ITGBL1: variants seen among roughly 807,000 people sequenced by gnomAD.
The protein encoded by ITGBL1 is integrin beta-like protein 1.
In ITGBL1, 51 loss-of-function variants were observed where a neutral mutation model predicts 68.5. The ratio of observed to expected loss-of-function variants is 0.74; its 90% CI spans 0.59 to 0.94. The LOEUF (loss-of-function observed/expected upper bound fraction) is 0.94. Ranked by LOEUF, ITGBL1 falls within the 40% of genes least tolerant of loss-of-function variation. The pLI is 0.00. For synonymous variants in ITGBL1, 209 were observed against 227.3 expected (o/e 0.92, Z 0.72); for missense variants, 649 against 647.4 (o/e 1.00, Z -0.03).
chr13:101,472,802 TTTTGA>T (rs2048481073), intron 2 of ITGBL1, among the ~76,000 whole-genome samples: 1 of 152,176 alleles, frequency 6.6e-6, no homozygotes, highest in African/African-American at 2.4e-5. Flanking sequence ...TTAATATACA[TTTTGA>T]TTTGATGTCC....
intron 2 of ITGBL1, among the ~76,000 whole-genome samples, chr13:101,479,571 T>G (rs117764493): frequency 0.015 from 2,343 of 151,806 alleles, 23 homozygotes; most frequent in Middle Eastern, 0.031. Flanking sequence ...TGACAAGAGA[T>G]TAATATCAAG....
chr13:101,457,684 G>A (rs565705172), intron 2 of ITGBL1, among the ~76,000 whole-genome samples: 1 of 152,170 alleles, frequency 6.6e-6, no homozygotes, highest in African/African-American at 2.4e-5. Context: ...GTGTGATGGT[G>A]TGCGCCTTGT....
At chr13:101,708,026 AACAC>A (rs3062945) in intron 9 of ITGBL1, among the ~76,000 whole-genome samples, 10,179 of 144,270 alleles carry the variant, frequency 0.071, 756 homozygotes, top group African/African-American at 0.19. Context: ...CACACATGCA[AACAC>A]ACACACACAC....
At position 101,702,950 on chromosome 13, in the gene ITGBL1, A is replaced by G. The variant is rs541478757; in HGVS notation, c.1133-3806A>G. Among the ~76,000 whole-genome samples the G allele has an allele frequency of 5.3e-5, 8 of 152,316 alleles. No homozygotes were observed. The South Asian group carries it at 1.7e-3, about 32-fold the overall frequency. On this transcript the variant is annotated intron_variant, in intron 8 of 10. Coordinates refer to ENST00000376180, the MANE Select transcript of ITGBL1 (RefSeq NM_004791.3). ...CAGTTTTCTAACTTGGCTCTACTCT[A>G]CAGTTTGATTTGTGGGTAAAAATGA...
chr13:101,534,187 A>C (rs762580142), intron 2 of ITGBL1, among the ~76,000 whole-genome samples: 1 of 152,316 alleles, frequency 6.6e-6, no homozygotes, highest in East Asian at 1.9e-4. Flanking sequence ...GGGAGTAATG[A>C]CAGCAAAAGT....
At chr13:101,458,312 G>A (rs1253886736) in intron 2 of ITGBL1, among the ~76,000 whole-genome samples, 1 of 152,186 alleles carries the variant, frequency 6.6e-6, no homozygotes, top group Non-Finnish European at 1.5e-5. Context: ...AAAGTGGACT[G>A]TTGGAATTCT....
chr13:101,514,112 C>G (rs1254646729), intron 2 of ITGBL1, among the ~76,000 whole-genome samples: 5 of 152,022 alleles, frequency 3.3e-5, no homozygotes, highest in Non-Finnish European at 7.4e-5. Context: ...TAAATGAAGA[C>G]ACATTCTAAA....
intron 2 of ITGBL1, among the ~76,000 whole-genome samples, chr13:101,557,893 A>G (rs1347120717): frequency 6.6e-6 from 1 of 152,026 alleles, no homozygotes; most frequent in Non-Finnish European, 1.5e-5. Flanking sequence ...GATTGAGACC[A>G]TCCTGGCTAA....
intron 2 of ITGBL1, among the ~76,000 whole-genome samples, chr13:101,469,851 A>C (rs974892362): frequency 2.0e-5 from 3 of 152,210 alleles, no homozygotes; most frequent in Admixed American, 2.0e-4. Context: ...GGTAGGATGA[A>C]AATGCAGAGG....
intron 8 of ITGBL1, among the ~76,000 whole-genome samples, chr13:101,698,704 C>G (rs567557950): frequency 1.3e-5 from 2 of 152,088 alleles, no homozygotes; most frequent in African/African-American, 4.8e-5. Context: ...AGTGATAGTT[C>G]GTAAGATTTA....
intron 7 of ITGBL1, among the ~76,000 whole-genome samples, chr13:101,635,547 G>C (rs2032144522): frequency 6.6e-6 from 1 of 151,776 alleles, no homozygotes; most frequent in Non-Finnish European, 1.5e-5. Flanking sequence ...TTTGCTCGTA[G>C]AGTCAAGAAA....
chr13:101,494,814 A>G (rs937015293), intron 2 of ITGBL1, among the ~76,000 whole-genome samples: 17 of 152,240 alleles, frequency 1.1e-4, no homozygotes, highest in Admixed American at 1.3e-4. Flanking sequence ...ATACATGCAT[A>G]AGACAAAAAT....
rs562336369 is a variant in ITGBL1 at position 101,706,686 on chromosome 13, T to G, written c.1133-70T>G. The G allele has an allele frequency of 8.9e-4, 1,334 of 1,494,504 alleles. 1 individual carries two copies. The highest frequency in any genetic ancestry group is 1.1e-3 in the Non-Finnish European group (1,190 of 1,095,662). 92.6% of individuals were successfully genotyped at this position (1,494,504 alleles called of 1,614,324 possible). Reference sequence around the variant, plus strand: ...GAGATCCTATGGTTTACACATTTCTTTCTTAAAACTCTCTGCTTCAGCTGG... The same window carrying G: ...GAGATCCTATGGTTTACACATTTCTGTCTTAAAACTCTCTGCTTCAGCTGG... On this transcript the variant is annotated intron_variant, in intron 8 of 10. Coordinates refer to ENST00000376180, the MANE Select transcript of ITGBL1 (RefSeq NM_004791.3).
At chr13:101,562,340 A>T (rs9554805) in intron 2 of ITGBL1, among the ~76,000 whole-genome samples, 1 of 151,812 alleles carries the variant, frequency 6.6e-6, no homozygotes, top group Non-Finnish European at 1.5e-5. Context: ...ATATCCAGCA[A>T]TGTAAAAAAT....
At chr13:101,714,352 T>A in intron 9 of ITGBL1, 86 bp from the exon 10 acceptor site, 1 of 808,964 alleles carries the variant, frequency 1.2e-6, no homozygotes, top group Non-Finnish European at 2.2e-6. Flanking sequence ...ATTAGAAGCC[T>A]GTTGTCAGTG....
At chr13:101,473,471 C>G (rs1013833578) in intron 2 of ITGBL1, among the ~76,000 whole-genome samples, 2 of 152,208 alleles carry the variant, frequency 1.3e-5, no homozygotes, top group African/African-American at 4.8e-5. Context: ...CAGCCCTAGC[C>G]AGAGCGGAAT....
chr13:101,712,442 A>G (rs868641524), intron 9 of ITGBL1: 4 of 152,216 alleles, frequency 2.6e-5, no homozygotes, highest in African/African-American at 9.6e-5. Context: ...AGCATTCCAG[A>G]AGCAAGAGCA....
intron 2 of ITGBL1, among the ~76,000 whole-genome samples, chr13:101,454,483 C>T (rs1429365419): frequency 6.6e-6 from 1 of 151,250 alleles, no homozygotes; most frequent in African/African-American, 2.4e-5. Context: ...GCGTGAGCCA[C>T]TGCACCTGGC....
rs1555361670 is a variant in ITGBL1, at chr13:101,604,887, T to TAC, written c.1015+6602_1015+6603dup. ...ATATATATATATATATATATATATA[T>TAC]ACACACACACACACATATATATGTG... On this transcript the variant is annotated intron_variant, in intron 7 of 10. Transcript: ENST00000376180. 8.1e-4 allele frequency among the ~76,000 whole-genome samples: 18 copies of TAC among 22,164 alleles called. 1 individual carries two copies. The highest frequency in any genetic ancestry group is 2.6e-3 in the African/African-American group (17 of 6,634). The allele number at this position is 22,164 out of a possible 152,430, so 14.5% of individuals were successfully genotyped here.
Sources: allele counts gnomAD v4.1 joint callset (sites outside exome capture counted in the v4.1 genomes callset), GRCh38; gene constraint gnomAD v4.1.1; transcripts MANE v1.5; gene names NCBI Gene and HGNC (gene_info 2026-07-23, HGNC 2026-07-21).